The following PARD3B variants were observed in gnomAD, a reference collection of about 807,000 sequenced individuals.
The protein encoded by PARD3B is par-3 family cell polarity regulator beta.
Under a neutral mutation model 130.2 loss-of-function variants are expected in PARD3B, and 103 were observed. The ratio of observed to expected loss-of-function variants is 0.79; its 90% CI spans 0.67 to 0.93. PARD3B has a LOEUF of 0.93. Among genes scored for constraint, PARD3B ranks in the 40% least tolerant of loss-of-function variants. PARD3B has a pLI of 0.00. For missense variants in PARD3B, 1,609 were observed against 1,499.2 expected, an observed-to-expected ratio of 1.07 and a Z score of -1.21; for synonymous variants, 583 against 553.2, an observed-to-expected ratio of 1.05 and a Z score of -0.76.
At chr2:204,782,342 T>G (rs2041863908) in intron 2 of PARD3B, among the ~76,000 whole-genome samples, 1 of 150,892 alleles carries the variant, frequency 6.6e-6, no homozygotes. Flanking sequence ...ATATTGTGTA[T>G]GTGTTGTATA....
chr2:205,367,941 A>G (rs1207792956), intron 18 of PARD3B, among the ~76,000 whole-genome samples: 2 of 152,142 alleles, frequency 1.3e-5, no homozygotes, highest in Non-Finnish European at 2.9e-5. Flanking sequence ...TTTTAGTTTT[A>G]TGTGATGATT....
intron 19 of PARD3B, among the ~76,000 whole-genome samples, chr2:205,424,957 T>C (rs2047093119): frequency 6.6e-6 from 1 of 152,220 alleles, no homozygotes; most frequent in African/African-American, 2.4e-5. Context: ...GGCTACTTCT[T>C]GCCACTTACA....
At position 205,215,442 on chromosome 2, in the gene PARD3B, A is replaced by G. The variant is rs915422769; in HGVS notation, c.2140+22122A>G. Among the ~76,000 whole-genome samples the G allele has an allele frequency of 2.0e-5, 3 of 152,140 alleles. No individual in the cohort carries two copies. In the East Asian group the frequency reaches 5.8e-4, roughly 29 times the overall value. On this transcript the variant is annotated intron_variant, in intron 15 of 22. Coordinates refer to ENST00000406610, the MANE Select transcript of PARD3B (RefSeq NM_001302769.2). Reference sequence around the variant, plus strand: ...AGGAATAATTAGAAAATACTTGACAAAAGATTAACATCCTTAACATATGAA... The same window carrying G: ...AGGAATAATTAGAAAATACTTGACAGAAGATTAACATCCTTAACATATGAA...
At chr2:205,406,384 T>C (rs2046416530) in intron 19 of PARD3B, among the ~76,000 whole-genome samples, 1 of 152,158 alleles carries the variant, frequency 6.6e-6, no homozygotes, top group Admixed American at 6.5e-5. Context: ...TCCTTAAAAT[T>C]AGGGTGCAGT....
chr2:204,945,395 G>A (rs369655587), intron 2 of PARD3B, among the ~76,000 whole-genome samples: 56 of 152,266 alleles, frequency 3.7e-4, no homozygotes, highest in African/African-American at 1.3e-3. Flanking sequence ...CAGCTAGCTC[G>A]GGTAGTTTTA....
chr2:205,282,025 T>C (rs948232591), intron 16 of PARD3B, among the ~76,000 whole-genome samples: 3 of 152,208 alleles, frequency 2.0e-5, no homozygotes, highest in African/African-American at 7.2e-5. Flanking sequence ...ATAATTTTTT[T>C]CAACACTAGC....
intron 1 of PARD3B, among the ~76,000 whole-genome samples, chr2:204,660,452 G>A (rs148075039): frequency 4.0e-4 from 61 of 152,306 alleles, no homozygotes; most frequent in African/African-American, 1.4e-3. Flanking sequence ...AATATGCTAA[G>A]TTGCGGGGTG....
At chr2:204,893,841 G>T (rs1412070610) in intron 2 of PARD3B, among the ~76,000 whole-genome samples, 1 of 152,058 alleles carries the variant, frequency 6.6e-6, no homozygotes, top group Non-Finnish European at 1.5e-5. Flanking sequence ...GAATAGAAAA[G>T]AGCTGTTGTT....
At chr2:204,790,095 C>G (rs1463976685) in intron 2 of PARD3B, among the ~76,000 whole-genome samples, 2 of 152,168 alleles carry the variant, frequency 1.3e-5, no homozygotes, top group Admixed American at 1.3e-4. Flanking sequence ...TGGTCTCGAT[C>G]TCCTGATCTC....
rs113297534 is a variant in PARD3B, at chr2:204,582,275, C to A, written c.120+36156C>A. On this transcript the variant is annotated intron_variant, in intron 1 of 22. Coordinates refer to ENST00000406610, the MANE Select transcript of PARD3B (RefSeq NM_001302769.2). ...TCATAAATTCATGTCTACCTAGTTA[C>A]ATCTTGCAAAGTGTAGGACTGCCTT... Among the ~76,000 whole-genome samples the A allele has an allele frequency of 8.9e-3, 1,362 of 152,286 alleles. 19 individuals are homozygous for A. Among genetic ancestry groups the A allele is most frequent in the African/African-American group, 0.032 (1,322 of 41,560 alleles).
At chr2:204,652,591 T>C (rs1175434913) in intron 1 of PARD3B, among the ~76,000 whole-genome samples, 1 of 152,214 alleles carries the variant, frequency 6.6e-6, no homozygotes, top group Non-Finnish European at 1.5e-5. Flanking sequence ...CCCTCCAAAC[T>C]GTTCCAACCT....
chr2:205,446,142 C>T lies in PARD3B; in HGVS notation c.3044+5470C>T, dbSNP rs573109303. Among the ~76,000 whole-genome samples, 33 of 152,142 alleles carry T rather than the reference C, an allele frequency of 2.2e-4. 1 individual carries two copies. Among genetic ancestry groups the T allele is most frequent in the South Asian group, 2.1e-4 (1 of 4,812 alleles). On this transcript the variant is annotated intron_variant, in intron 20 of 22. Coordinates refer to ENST00000406610, the MANE Select transcript of PARD3B (RefSeq NM_001302769.2). The surrounding 1 kb of genome is among the most constrained non-coding windows in gnomAD (Gnocchi z 4.4). ...TGTGTTAGGGGGACTGAAAGACTCTCAGTAAAATAGAAACCTGGTGGGAGG... is the reference window on the plus strand; with the variant it reads ...TGTGTTAGGGGGACTGAAAGACTCTTAGTAAAATAGAAACCTGGTGGGAGG...
intron 22 of PARD3B, among the ~76,000 whole-genome samples, chr2:205,579,610 G>A (rs2053891911): frequency 6.6e-6 from 1 of 152,150 alleles, no homozygotes; most frequent in Non-Finnish European, 1.5e-5. Flanking sequence ...ACATTTTGTG[G>A]CTGAAAATTG....
At chr2:205,479,708 T>C (rs2049155794) in intron 20 of PARD3B, among the ~76,000 whole-genome samples, 1 of 152,190 alleles carries the variant, frequency 6.6e-6, no homozygotes, top group Non-Finnish European at 1.5e-5. Context: ...AGATGTATTC[T>C]AAAACTTTTA....
intron 6 of PARD3B, 150 bp from the exon 7 acceptor site, chr2:205,118,771 A>G: frequency 1.7e-6 from 1 of 579,322 alleles, no homozygotes; most frequent in Non-Finnish European, 2.7e-6. Context: ...TTTTTGGATT[A>G]GGGATTAAAA....
intron 1 of PARD3B, among the ~76,000 whole-genome samples, chr2:204,571,380 A>G (rs781062638): frequency 4.6e-5 from 7 of 152,214 alleles, no homozygotes; most frequent in Non-Finnish European, 1.0e-4. Context: ...TTTCAAGTAC[A>G]CATTTCTAAG....
intron 22 of PARD3B, among the ~76,000 whole-genome samples, chr2:205,565,760 CCTA>C (rs1231638021): frequency 6.6e-6 from 1 of 152,160 alleles, no homozygotes; most frequent in Non-Finnish European, 1.5e-5. Context: ...TTATTCATGA[CCTA>C]CTAAGTGCAA....
rs572515998 is a variant in PARD3B at position 204,871,489 on chromosome 2, A to T, written c.223-93663A>T. Among the ~76,000 whole-genome samples, 29 of 151,832 alleles carry T rather than the reference A, an allele frequency of 1.9e-4. No homozygotes were observed. In the South Asian group the frequency reaches 5.6e-3, roughly 29 times the overall value. ...TGTATGAGACAGAATAACATTTTCA[A>T]TGGGGGGAAAAAAGTTCAATTCTAA... On this transcript the variant is annotated intron_variant, in intron 2 of 22. Coordinates refer to ENST00000406610, the MANE Select transcript of PARD3B (RefSeq NM_001302769.2).
rs995585717 is a variant in PARD3B at position 205,189,262 on chromosome 2, TG to T, written c.2024+3400del. On this transcript the variant is annotated intron_variant, in intron 14 of 22. Transcript: ENST00000406610. ...CTGAGACTTCAGACATCATGGTTTT[TG>T]TCTTGCCTCTCAAAATCTTCATCCC... is the stretch of plus-strand genomic sequence containing the variant. Among the ~76,000 whole-genome samples, 17 of 152,216 alleles carry T rather than the reference TG, an allele frequency of 1.1e-4. 1 individual carries two copies. The highest frequency in any genetic ancestry group is 3.1e-4 in the African/African-American group (13 of 41,452).
Sources: gnomAD v4.1 joint callset for allele counts (sites outside exome capture counted in the v4.1 genomes callset) on GRCh38, gnomAD v4.1.1 for gene constraint, Gnocchi (gnomAD v3.1) non-coding constraint, MANE v1.5 for transcripts, NCBI Gene and HGNC (gene_info 2026-07-23, HGNC 2026-07-21) for gene names.